Variants in DNASE1 observed in about 807,000 individuals in gnomAD.
The protein encoded by DNASE1 is deoxyribonuclease 1, also known as deoxyribonuclease-1.
In DNASE1, 40 loss-of-function variants were observed where a neutral mutation model predicts 33.9. The ratio of observed to expected loss-of-function variants is 1.18; its 90% CI spans 0.92 to 1.54. DNASE1 has a LOEUF of 1.54. DNASE1 is among the 40% of genes most tolerant of loss of function. The probability of loss-of-function intolerance (pLI) is 0.00; values close to 1 mark genes in which losing one functional copy is unlikely to be tolerated. For missense variants in DNASE1, 518 were observed against 372.6 expected (o/e 1.39, Z -3.21); for synonymous variants, 216 against 160.0 (o/e 1.35, Z -2.64).
At chr16:3,658,156 C>T (rs769347750), downstream of DNASE1, 44 of 1,613,986 alleles carry the variant, frequency 2.7e-5, no homozygotes, top group South Asian at 4.4e-4. Context: ...CCTTGACAAG[C>T]AGCTCATTCA....
intron 1 of DNASE1, among the ~76,000 whole-genome samples, chr16:3,648,433 G>T (rs1456585855): frequency 6.6e-6 from 1 of 152,006 alleles, no homozygotes; most frequent in African/African-American, 2.4e-5. Flanking sequence ...GTGGTGGCGG[G>T]CGCCTGTAGT....
chr16:3,634,995 A>C (rs998399525), intron 1 of DNASE1, among the ~76,000 whole-genome samples: 5 of 151,866 alleles, frequency 3.3e-5, no homozygotes, highest in Admixed American at 2.6e-4. Flanking sequence ...AGGGGAGGTC[A>C]CCATTTTGAT....
chr16:3,622,830 C>T (rs976071514), intron 1 of DNASE1, among the ~76,000 whole-genome samples: 23 of 152,182 alleles, frequency 1.5e-4, no homozygotes, highest in Non-Finnish European at 4.4e-5. Context: ...CTTGTATGCA[C>T]ATACCTTCTT....
chr16:3,657,038 C>T lies in DNASE1; in HGVS notation c.476C>T (p.Pro159Leu), dbSNP rs146238243. ...GCCATTGTTCCCCTGCATGCGGCCCCGGGGGACGCAGTAGCCGAGATCGAC... is the reference window on the plus strand; with the variant it reads ...GCCATTGTTCCCCTGCATGCGGCCCTGGGGGACGCAGTAGCCGAGATCGAC... ...EFAIVPLHAA[P>L]GDAVAEIDAL... Residue 159 changes from proline to leucine, a missense_variant, in exon 6 of 9, where the codon CCG (proline) becomes CTG (leucine). Pro to Leu is a moderately conservative substitution (Grantham distance 98). Coordinates refer to ENST00000246949, the MANE Select transcript of DNASE1 (RefSeq NM_005223.4). The T allele has an allele frequency of 8.1e-6, 13 of 1,613,454 alleles. No homozygotes were observed. The highest frequency in any genetic ancestry group is 2.2e-5 in the East Asian group (1 of 44,882).
downstream of DNASE1, chr16:3,658,995 G>A (rs1424655661): frequency 1.2e-6 from 1 of 858,878 alleles, no homozygotes; most frequent in East Asian, 2.7e-5. Context: ...AATAAGGTAT[G>A]TTAATGATCA....
chr16:3,615,111 T>TA (rs1385196851), intron 1 of DNASE1, among the ~76,000 whole-genome samples: 1 of 152,154 alleles, frequency 6.6e-6, no homozygotes, highest in African/African-American at 2.4e-5. Flanking sequence ...CTCTTAGGCC[T>TA]ACTGAATAAA....
chr16:3,631,174 C>T (rs1013142862), intron 1 of DNASE1, among the ~76,000 whole-genome samples: 2 of 152,012 alleles, frequency 1.3e-5, no homozygotes, highest in African/African-American at 4.8e-5. Context: ...AGGCGCATGC[C>T]ATCACACCCA....
At chr16:3,647,565 C>T (rs2151200094) in intron 1 of DNASE1, among the ~76,000 whole-genome samples, 1 of 152,276 alleles carries the variant, frequency 6.6e-6, no homozygotes, top group African/African-American at 2.4e-5. Flanking sequence ...TGAGGCACCA[C>T]ACGCAGCCAG....
At chr16:3,638,930 T>G (rs1231424247), upstream of DNASE1, among the ~76,000 whole-genome samples, 1 of 152,222 alleles carries the variant, frequency 6.6e-6, no homozygotes, top group Non-Finnish European at 1.5e-5. Flanking sequence ...GTTTTTACTG[T>G]CTCTGGAAGT....
chr16:3,658,826 G>C (rs984264954), downstream of DNASE1: 11 of 1,613,836 alleles, frequency 6.8e-6, no homozygotes, highest in Admixed American at 1.7e-5. Context: ...GGCCAGGCTC[G>C]CTTGCGCGCA....
intron 1 of DNASE1, among the ~76,000 whole-genome samples, chr16:3,649,216 G>T (rs1429327886): frequency 1.3e-5 from 2 of 152,190 alleles, no homozygotes; most frequent in Non-Finnish European, 2.9e-5. Context: ...ACGGCAAAAT[G>T]GTGACTTTCA....
At chr16:3,650,031 C>T (rs145848673), upstream of DNASE1, among the ~76,000 whole-genome samples, 146 of 152,210 alleles carry the variant, frequency 9.6e-4, no homozygotes, top group African/African-American at 3.2e-3. Flanking sequence ...AACTTGCTCC[C>T]GCTAAGTGGC....
chr16:3,644,205 A>G (rs73505446), intron 1 of DNASE1, among the ~76,000 whole-genome samples: 72,367 of 152,040 alleles, frequency 0.48, 20,089 homozygotes, highest in African/African-American at 0.78. Flanking sequence ...CACTTTGGGA[A>G]GCTGAGGTGA....
At chr16:3,635,230 G>A (rs1025519015) in intron 1 of DNASE1, among the ~76,000 whole-genome samples, 1 of 152,144 alleles carries the variant, frequency 6.6e-6, no homozygotes, top group Non-Finnish European at 1.5e-5. Context: ...GGCTGAGGCA[G>A]ATGGATCGCT....
rs750084018 is a variant in DNASE1 at position 3,657,733 on chromosome 16, G to A, written c.718G>A (p.Gly240Arg). ...HCAYDRIVVAGMLLRGAVVPD... is the reference protein window; with the variant it reads ...HCAYDRIVVARMLLRGAVVPD... Reference sequence around the variant, plus strand: ...AACACCCATCAGGATCGTGGTTGCAGGGATGCTGCTCCGAGGCGCCGTTGT... The same window carrying A: ...AACACCCATCAGGATCGTGGTTGCAAGGATGCTGCTCCGAGGCGCCGTTGT... The change falls in exon 8 of 9, where the codon GGG (glycine) becomes AGG (arginine). Residue 240 changes from glycine (G) to arginine (R), a missense_variant. Gly to Arg is a moderately radical substitution (Grantham distance 125). Transcript: ENST00000246949. The A allele has an allele frequency of 1.2e-6, 2 of 1,613,936 alleles. No individual in the cohort carries two copies. Among genetic ancestry groups the A allele is most frequent in the Non-Finnish European group, 1.7e-6 (2 of 1,179,976 alleles).
chr16:3,632,861 C>T (rs1486169133), intron 1 of DNASE1, among the ~76,000 whole-genome samples: 1 of 152,188 alleles, frequency 6.6e-6, no homozygotes, highest in Admixed American at 6.5e-5. Context: ...GCTGGTATTA[C>T]AGGAGTGAGC....
chr16:3,624,915 G>C (rs189844413), intron 1 of DNASE1, among the ~76,000 whole-genome samples: 33 of 151,942 alleles, frequency 2.2e-4, no homozygotes, highest in African/African-American at 4.4e-4. Context: ...GCCCAGGCTC[G>C]TCTCGAACTG....
Position 3,630,133 on chromosome 16 carries a change from TTG to T in DNASE1, c.-1358-10562_-1358-10561del, listed in dbSNP as rs200194109. On this transcript the variant is annotated intron_variant and NMD_transcript_variant, in intron 1 of 11. Transcript: ENST00000570769. ...ACGCCCAGCCCTTGTTTGTTTTTTG[TTG>T]TGTGTGTGTGTGTGTGTGTTTGTTG... Among the ~76,000 whole-genome samples the T allele has an allele frequency of 2.3e-3, 343 of 150,580 alleles. 2 individuals are homozygous for T. The highest frequency in any genetic ancestry group is 7.6e-3 in the South Asian group (36 of 4,746).
intron 1 of DNASE1, among the ~76,000 whole-genome samples, chr16:3,621,169 T>A (rs2041297603): frequency 1.3e-5 from 2 of 152,084 alleles, no homozygotes; most frequent in African/African-American, 4.8e-5. Flanking sequence ...GAGCATAGAC[T>A]CGAACTCTTG....
Sources: gnomAD v4.1 joint callset for allele counts (sites outside exome capture counted in the v4.1 genomes callset) on GRCh38, gnomAD v4.1.1 for gene constraint, MANE v1.5 for transcripts, NCBI Gene and HGNC (gene_info 2026-07-23, HGNC 2026-07-21) for gene names.